SNX29: variants seen among roughly 807,000 people sequenced by gnomAD.
SNX29 encodes sorting nexin-29.
A neutral mutation model predicts 102.1 loss-of-function variants in SNX29; 78 were observed. That is an observed-to-expected ratio of 0.76 (90% CI 0.64 to 0.92). The LOEUF (loss-of-function observed/expected upper bound fraction) is 0.92. Among genes scored for constraint, SNX29 ranks in the 40% least tolerant of loss-of-function variants. The pLI is 0.00. For missense variants in SNX29, 1,280 were observed against 1,061.7 expected, an observed-to-expected ratio of 1.21 and a Z score of -2.86; for synonymous variants, 580 against 414.5, an observed-to-expected ratio of 1.40 and a Z score of -4.85.
chr16:12,489,164 A>G (rs559349388), intron 19 of SNX29, among the ~76,000 whole-genome samples: 1 of 152,168 alleles, frequency 6.6e-6, no homozygotes, highest in Non-Finnish European at 1.5e-5. Context: ...GTAGTTGGAG[A>G]ATAATTGCTA....
At chr16:12,530,540 C>G (rs983904202) in intron 20 of SNX29, among the ~76,000 whole-genome samples, 3 of 132,212 alleles carry the variant, frequency 2.3e-5, no homozygotes, top group African/African-American at 8.8e-5. Context: ...AATTTGCCTT[C>G]GTTTTTTTTT....
intron 20 of SNX29, among the ~76,000 whole-genome samples, chr16:12,549,515 T>G (rs1359683663): frequency 7.9e-6 from 1 of 126,402 alleles, no homozygotes; most frequent in Admixed American, 8.0e-5. Flanking sequence ...TCATGCCATT[T>G]TTCATCCTCT....
intron 11 of SNX29, among the ~76,000 whole-genome samples, chr16:12,107,192 G>A (rs2141239549): frequency 6.6e-6 from 1 of 152,264 alleles, no homozygotes; most frequent in African/African-American, 2.4e-5. Flanking sequence ...GCACGTGAAG[G>A]CGAGAGATGT....
chr16:12,558,536 C>A (rs928827279), intron 20 of SNX29, among the ~76,000 whole-genome samples: 3 of 152,196 alleles, frequency 2.0e-5, no homozygotes, highest in African/African-American at 7.2e-5. Context: ...ATGCACACAC[C>A]CCACAGTGCC....
At chr16:12,251,839 A>C (rs1249258575) in intron 14 of SNX29, among the ~76,000 whole-genome samples, 2 of 152,012 alleles carry the variant, frequency 1.3e-5, no homozygotes, top group Non-Finnish European at 2.9e-5. Context: ...GGCTCACTGC[A>C]GCCTCGAGCT....
chr16:12,266,635 C>T (rs749378400), intron 14 of SNX29, among the ~76,000 whole-genome samples: 4 of 139,686 alleles, frequency 2.9e-5, no homozygotes, highest in African/African-American at 8.2e-5. Flanking sequence ...CCAGAGATGG[C>T]GTGTGTCTCT....
intron 20 of SNX29, among the ~76,000 whole-genome samples, chr16:12,566,366 CCCAA>C (rs1430899058): frequency 2.0e-5 from 3 of 152,182 alleles, no homozygotes; most frequent in Admixed American, 6.5e-5. Context: ...CCTCTCCTCT[CCCAA>C]CCAACAAGGC....
At position 12,358,563 on chromosome 16, in the gene SNX29, C is replaced by G. The variant is rs114704424; in HGVS notation, c.1899+2284C>G. On this transcript the variant is annotated intron_variant, in intron 16 of 20. Transcript: ENST00000566228. ...TCCTTTTTCTACCCAAGGCAGGACT[C>G]TAATCTTCCCCTGCTATCCATAAAG... Among the ~76,000 whole-genome samples, 465 of 152,326 alleles carry G rather than the reference C, an allele frequency of 3.1e-3. 3 individuals carry two copies. Among genetic ancestry groups the G allele is most frequent in the African/African-American group, 0.011 (446 of 41,580 alleles).
chr16:12,172,105 A>G (rs1384253047), intron 13 of SNX29, among the ~76,000 whole-genome samples: 2 of 152,210 alleles, frequency 1.3e-5, no homozygotes, highest in Non-Finnish European at 2.9e-5. Context: ...CTGTTTTAGC[A>G]GTGTTTTTAT....
At chr16:12,002,185 C>T (rs953886913) in intron 2 of SNX29, among the ~76,000 whole-genome samples, 19 of 152,238 alleles carry the variant, frequency 1.2e-4, no homozygotes, top group African/African-American at 4.3e-4. Context: ...CATTGGCTCA[C>T]GCCTGTAATC....
intron 18 of SNX29, among the ~76,000 whole-genome samples, chr16:12,446,346 G>A (rs2086053879): frequency 1.3e-5 from 2 of 152,186 alleles, no homozygotes; most frequent in African/African-American, 4.8e-5. Flanking sequence ...GTGAGCCACT[G>A]TGCCTGGCCC....
chr16:12,455,196 C>T (rs1038170418), intron 18 of SNX29, among the ~76,000 whole-genome samples: 11 of 152,166 alleles, frequency 7.2e-5, no homozygotes, highest in Admixed American at 1.3e-4. Flanking sequence ...AGCTCCAAGA[C>T]GCCCTTCTCC....
At chr16:12,397,045 C>G (rs2083748917) in intron 16 of SNX29, among the ~76,000 whole-genome samples, 1 of 152,184 alleles carries the variant, frequency 6.6e-6, no homozygotes, top group Non-Finnish European at 1.5e-5. Flanking sequence ...GCCGCCATGC[C>G]TGGCTAATGT....
chr16:12,547,680 C>G (rs908891843), intron 20 of SNX29, among the ~76,000 whole-genome samples: 1 of 152,118 alleles, frequency 6.6e-6, no homozygotes, highest in Non-Finnish European at 1.5e-5. Context: ...TGTAATAAAA[C>G]CTGGCCCCCG....
chr16:12,118,313 C>CTTTCTTTTTTTTTTTTTTTTTTT, intron 11 of SNX29, among the ~76,000 whole-genome samples: 2 of 86,122 alleles, frequency 2.3e-5, no homozygotes, highest in East Asian at 1.1e-3. Flanking sequence ...TACAGACCAC[C>CTTTCTTTTTTTTTTTTTTTTTTT]TTTTTTTTTT....
intron 1 of SNX29, among the ~76,000 whole-genome samples, chr16:11,983,881 T>C (rs1057258674): frequency 1.3e-5 from 2 of 152,106 alleles, no homozygotes; most frequent in African/African-American, 4.8e-5. Flanking sequence ...GGGGGTGATA[T>C]CACCCCCAAG....
At chr16:12,566,804 G>A (rs1293215355) in intron 20 of SNX29, among the ~76,000 whole-genome samples, 1 of 152,264 alleles carries the variant, frequency 6.6e-6, no homozygotes. Flanking sequence ...TGGGCTCAGA[G>A]ATGATTCAGA....
chr16:12,266,827 A>G (rs2078942938), intron 14 of SNX29, among the ~76,000 whole-genome samples: 1 of 152,090 alleles, frequency 6.6e-6, no homozygotes, highest in African/African-American at 2.4e-5. Flanking sequence ...GCAGTGGCAC[A>G]ATCTCAGCTC....
At chr16:12,544,658 C>G (rs776581716) in intron 20 of SNX29, among the ~76,000 whole-genome samples, 5 of 152,210 alleles carry the variant, frequency 3.3e-5, no homozygotes, top group African/African-American at 4.8e-5. Context: ...CTGTTTACTT[C>G]TCATGAAGCC....
Sources: allele counts gnomAD v4.1 joint callset (sites outside exome capture counted in the v4.1 genomes callset), GRCh38; gene constraint gnomAD v4.1.1; transcripts MANE v1.5; gene names NCBI Gene and HGNC (gene_info 2026-07-23, HGNC 2026-07-21).